APOL4: variants seen among roughly 807,000 people sequenced by gnomAD.
APOL4 encodes the protein apolipoprotein L, 4.
In APOL4, 14 loss-of-function variants were observed where a neutral mutation model predicts 12.1. The observed-to-expected ratio is 1.16, with a 90% CI of 0.76 to 1.81. The LOEUF is 1.81. Ranked by LOEUF, APOL4 falls within the 40% of genes most tolerant of loss-of-function variation. APOL4 has a pLI of 0.00. For missense variants in APOL4, 432 were observed against 423.1 expected (o/e 1.02, Z -0.18); for synonymous variants, 171 against 160.6 (o/e 1.06, Z -0.49).
chr22:36,191,090 ACT>A lies in APOL4; in HGVS notation c.1030_1031del (p.Leu345LysfsTer30), dbSNP rs1302465661. On this transcript the variant is annotated frameshift_variant, in exon 4 of 4. Coordinates refer to ENST00000683024, the MANE Select transcript of APOL4 (RefSeq NM_001386885.1). LOFTEE classifies it high-confidence loss of function. Reference sequence around the variant, plus strand: ...ACAATTGGGCCTAGCCTGCTTTTAGACTCTGATGGATATGGGTGAGCTCATTG... The same window carrying A: ...ACAATTGGGCCTAGCCTGCTTTTAGACTGATGGATATGGGTGAGCTCATTG... ...NLNELTHIHQSLKAG is the reference protein window; with the variant it reads ...NLNELTHIHQXLKAG 1.8e-5 allele frequency: 29 copies of A among 1,602,332 alleles called. No individual in the cohort carries two copies. The African/African-American group carries it at 3.3e-4, about 18-fold the overall frequency.
At position 36,191,276 on chromosome 22, in the gene APOL4, C is replaced by T. The variant is rs1308332460; in HGVS notation, c.846G>A (p.Val282=). 2 of 1,614,070 alleles carry T rather than the reference C, an allele frequency of 1.2e-6. No individual in the cohort carries two copies. The highest frequency in any genetic ancestry group is 1.7e-5 in the Admixed American group (1 of 60,032). The change falls in exon 4 of 4, where the codon GTG becomes GTA. Residue 282 remains valine (V), a synonymous_variant. Coordinates refer to ENST00000683024, the MANE Select transcript of APOL4 (RefSeq NM_001386885.1). ...TGCCCAGGTTCCGGGCTACTTTTCT[C>T]ACTATCCGGGTGGGGGCCCCACGTG... ...LRTRGAPTRI[V]RKVARNLGKA...
intron 3 of APOL4, among the ~76,000 whole-genome samples, chr22:36,193,193 A>T (rs866270234): frequency 1.3e-5 from 2 of 151,090 alleles, no homozygotes; most frequent in Non-Finnish European, 3.0e-5. Flanking sequence ...GGAACCCCCC[A>T]CTCTGGTGTC....
upstream of APOL4, among the ~76,000 whole-genome samples, chr22:36,202,920 C>T (rs1361547760): frequency 6.6e-6 from 1 of 152,058 alleles, no homozygotes; most frequent in Non-Finnish European, 1.5e-5. Flanking sequence ...CCAACATCTG[C>T]CCTTGTGACT....
chr22:36,195,772 TCTCTCACACACACACACA>T (rs2014392663), intron 2 of APOL4, among the ~76,000 whole-genome samples: 2 of 140,220 alleles, frequency 1.4e-5, no homozygotes, highest in African/African-American at 5.4e-5. Flanking sequence ...TCTCTCTCTC[TCTCTCACACACACACACA>T]CACACACACA....
Position 36,197,488 on chromosome 22 carries a change from G to T in APOL4, c.82+1842C>A, listed in dbSNP as rs975086539. ...TAAATTTGTGTTTTATTGATGGGGTGGGGATGGTGAATATTAAAGCAAAAT... is the reference window on the plus strand; with the variant it reads ...TAAATTTGTGTTTTATTGATGGGGTTGGGATGGTGAATATTAAAGCAAAAT... On this transcript the variant is annotated intron_variant, in intron 2 of 3. Coordinates refer to ENST00000683024, the MANE Select transcript of APOL4 (RefSeq NM_001386885.1). 3.1e-5 allele frequency: 35 copies of T among 1,138,848 alleles called. 1 individual carries two copies. The allele number at this position is 1,138,848 out of a possible 1,614,324, so 70.5% of individuals were successfully genotyped here.
chr22:36,195,678 C>T (rs567027521), intron 2 of APOL4, among the ~76,000 whole-genome samples: 79 of 151,678 alleles, frequency 5.2e-4, no homozygotes, highest in African/African-American at 1.7e-3. Context: ...TAAAGGGAGT[C>T]ATAAGAGTAG....
upstream of APOL4, chr22:36,202,040 G>T (rs751584868): frequency 1.9e-6 from 3 of 1,613,922 alleles, no homozygotes; most frequent in African/African-American, 2.7e-5. Context: ...CCTCCATGTC[G>T]CTGCGGGGCC....
chr22:36,190,130 G>C lies in APOL4; in HGVS notation c.*945C>G, dbSNP rs5756094. The C allele has an allele frequency of 2.6e-5, 4 of 152,106 alleles. No homozygotes were observed. The highest frequency in any genetic ancestry group is 9.6e-5 in the African/African-American group (4 of 41,480). The allele number at this position is 152,106 out of a possible 1,614,324, so 9.4% of individuals were successfully genotyped here. A position where few individuals can be genotyped will look rare whatever the true frequency, so the allele number is the denominator to read the frequency against. On this transcript the variant is annotated 3_prime_UTR_variant, in exon 4 of 4. Transcript: ENST00000683024. ...GTGTCCAGGGGAGACATCACACATC[G>C]GTAGGTTCCGTGATGCCTCACAAGC...
At chr22:36,197,832 C>T (rs2014458738) in intron 2 of APOL4, 4 of 1,546,110 alleles carry the variant, frequency 2.6e-6, no homozygotes, top group Non-Finnish European at 3.5e-6. Flanking sequence ...CCAGAGGACC[C>T]TGACAAACAG....
intron 2 of APOL4, 48 bp downstream of exon 2, chr22:36,199,282 G>A (rs555569681): frequency 9.3e-6 from 15 of 1,611,214 alleles, no homozygotes; most frequent in Non-Finnish European, 1.2e-5. Context: ...GAACCAGCCA[G>A]GGAAGAGGAG....
At chr22:36,194,546 TC>T (rs1285484196) in intron 3 of APOL4, among the ~76,000 whole-genome samples, 2 of 152,152 alleles carry the variant, frequency 1.3e-5, no homozygotes, top group Non-Finnish European at 2.9e-5. Context: ...GCTATTTGGT[TC>T]CCCACCTTTG....
chr22:36,193,238 C>T (rs1463651422), intron 3 of APOL4, among the ~76,000 whole-genome samples: 1 of 152,178 alleles, frequency 6.6e-6, no homozygotes, highest in Non-Finnish European at 1.5e-5. Flanking sequence ...CGCCCCTTAC[C>T]CTGGTGTTGG....
Position 36,197,668 on chromosome 22 carries a change from G to A in APOL4, c.82+1662C>T, listed in dbSNP as rs190511403. ...TCAGACACAAACACAGCTTAACCTCGGCCAGTCATGAGCAGCCAGCTGACA... is the reference window on the plus strand; with the variant it reads ...TCAGACACAAACACAGCTTAACCTCAGCCAGTCATGAGCAGCCAGCTGACA... On this transcript the variant is annotated intron_variant, in intron 2 of 3. Coordinates refer to ENST00000683024, the MANE Select transcript of APOL4 (RefSeq NM_001386885.1). The A allele has an allele frequency of 2.2e-3, 3,483 of 1,550,032 alleles. 4 individuals carry two copies. The highest frequency in any genetic ancestry group is 7.5e-3 in the Middle Eastern group (45 of 5,990).
chr22:36,201,730 C>T lies in APOL4; in HGVS notation c.5G>A (p.Gly2Glu), dbSNP rs764564620. 2.5e-6 allele frequency: 4 copies of T among 1,607,880 alleles called. No homozygotes were observed. The highest frequency in any genetic ancestry group is 4.5e-5 in the East Asian group (2 of 44,734). The change falls in exon 1 of 4, where the codon GGA becomes GAA. Residue 2 changes from glycine (G) to glutamate (E), a missense_variant. Gly to Glu is a moderately conservative substitution (Grantham distance 98). Transcript: ENST00000683024. Reference protein sequence around the residue: MGSWVQLITSVG... With the variant: MESWVQLITSVG... ...GCTTGTGATGAGCTGCACCCAGGAT[C>T]CCATCCTCCTTGGTCATTGTTGGCC...
At chr22:36,197,586 C>G in intron 2 of APOL4, 1 of 1,477,832 alleles carries the variant, frequency 6.8e-7, no homozygotes, top group South Asian at 1.4e-5. Flanking sequence ...GCTGTAACCC[C>G]CCATGAAACT....
rs184307733 is a variant in APOL4 at position 36,195,948 on chromosome 22, C to T, written c.83-511G>A. Among the ~76,000 whole-genome samples the T allele has an allele frequency of 2.0e-3, 297 of 152,286 alleles. 2 individuals carry two copies. Among genetic ancestry groups the T allele is most frequent in the African/African-American group, 7.0e-3 (292 of 41,560 alleles). On this transcript the variant is annotated intron_variant, in intron 2 of 3. Coordinates refer to ENST00000683024, the MANE Select transcript of APOL4 (RefSeq NM_001386885.1). ...TTGCCTCTAGAACTGTGAGAAAATA[C>T]GTCAGTTGTTGAAGCCACCCAGCTT...
intron 3 of APOL4, among the ~76,000 whole-genome samples, chr22:36,194,852 C>G (rs1406850891): frequency 1.3e-5 from 2 of 152,144 alleles, no homozygotes; most frequent in African/African-American, 4.8e-5. Context: ...CTGACTTTTC[C>G]CAAAGAAAGT....
chr22:36,191,259 T>C lies in APOL4; in HGVS notation c.863A>G (p.Asn288Ser). 1.2e-6 allele frequency: 2 copies of C among 1,614,060 alleles called. No individual in the cohort carries two copies. The highest frequency in any genetic ancestry group is 1.3e-5 in the African/African-American group (1 of 75,066). Residue 288 changes from asparagine (N) to serine (S), a missense_variant, in exon 4 of 4, where the codon AAC (asparagine) becomes AGC (serine). Asn to Ser is a conservative substitution (Grantham distance 46). Coordinates refer to ENST00000683024, the MANE Select transcript of APOL4 (RefSeq NM_001386885.1). ...GACACCTGAAGTGGCCTTGCCCAGG[T>C]TCCGGGCTACTTTTCTCACTATCCG... ...PTRIVRKVAR[N>S]LGKATSGVLV...
chr22:36,191,898 G>A lies in APOL4; in HGVS notation c.224C>T (p.Ala75Val). Residue 75 changes from alanine to valine, a missense_variant, in exon 4 of 4, where the codon GCT becomes GTT. By Grantham distance (64) the Ala-to-Val change is moderately conservative. Transcript: ENST00000683024. ...VAELPREEAD[A>V]LYEALKNLTP... Reference sequence around the variant, plus strand: ...AAGATTCTTCAGAGCTTCATAGAGAGCATCTGCCTCTTCCCTGTACCAATA... The same window carrying A: ...AAGATTCTTCAGAGCTTCATAGAGAACATCTGCCTCTTCCCTGTACCAATA... 1 of 1,600,522 alleles carries A rather than the reference G, an allele frequency of 6.2e-7. No individual in the cohort carries two copies. Among genetic ancestry groups the A allele is most frequent in the African/African-American group, 1.3e-5 (1 of 74,522 alleles).
Sources: gnomAD v4.1 joint callset for allele counts (sites outside exome capture counted in the v4.1 genomes callset) on GRCh38, gnomAD v4.1.1 for gene constraint, MANE v1.5 for transcripts, NCBI Gene and HGNC (gene_info 2026-07-23, HGNC 2026-07-21) for gene names.